The following GAREM1 variants were observed in gnomAD, a reference collection of about 807,000 sequenced individuals.
GAREM1 encodes GRB2 associated regulator of MAPK1 subtype 1.
In GAREM1, 26 loss-of-function variants were observed where a neutral mutation model predicts 71.3. The observed-to-expected ratio is 0.36, with a 90% CI of 0.27 to 0.51. The LOEUF (loss-of-function observed/expected upper bound fraction) is 0.51, where lower values mean the gene tolerates loss of function less well. Ranked by LOEUF, GAREM1 falls within the 20% of genes least tolerant of loss-of-function variation. The pLI is 0.95. For synonymous variants in GAREM1, 440 were observed against 433.2 expected (o/e 1.02, Z -0.20); for missense variants, 1,026 against 1,103.1 (o/e 0.93, Z 0.99).
At chr18:32,339,087 T>A (rs1383446953) in intron 2 of GAREM1, among the ~76,000 whole-genome samples, 2 of 152,152 alleles carry the variant, frequency 1.3e-5, no homozygotes, top group Non-Finnish European at 2.9e-5. Context: ...GTGAACCAAT[T>A]CCTTAAAGTA....
intron 2 of GAREM1, among the ~76,000 whole-genome samples, chr18:32,357,425 T>C (rs568643146): frequency 3.3e-5 from 5 of 152,348 alleles, no homozygotes; most frequent in Non-Finnish European, 5.9e-5. Context: ...TTTATCTCAA[T>C]GTGCAAGTGC....
At chr18:32,386,369 C>T (rs2048147267) in intron 2 of GAREM1, among the ~76,000 whole-genome samples, 1 of 152,216 alleles carries the variant, frequency 6.6e-6, no homozygotes, top group African/African-American at 2.4e-5. Context: ...AAAACAGGCA[C>T]TGCTGATATA....
chr18:32,465,301 C>T (rs1453811482), intron 1 of GAREM1, among the ~76,000 whole-genome samples: 1 of 152,150 alleles, frequency 6.6e-6, no homozygotes, highest in African/African-American at 2.4e-5. Context: ...TGAGAACTTA[C>T]TTCAATTTCA....
chr18:32,420,288 G>A (rs148450850), intron 1 of GAREM1, among the ~76,000 whole-genome samples: 4 of 151,974 alleles, frequency 2.6e-5, no homozygotes, highest in Admixed American at 6.6e-5. Flanking sequence ...AGACAGGAAG[G>A]GGAAAGAAGA....
chr18:32,466,130 TATG>T (rs2048996549), intron 1 of GAREM1, among the ~76,000 whole-genome samples: 1 of 152,132 alleles, frequency 6.6e-6, no homozygotes, highest in African/African-American at 2.4e-5. Context: ...TTGAAAGTCT[TATG>T]ATCAAAATAA....
intron 2 of GAREM1, among the ~76,000 whole-genome samples, chr18:32,355,945 G>A (rs890340802): frequency 2.0e-5 from 3 of 152,186 alleles, no homozygotes; most frequent in Admixed American, 6.5e-5. Flanking sequence ...TGGTTGCTAT[G>A]AGCAACATTT....
intron 2 of GAREM1, among the ~76,000 whole-genome samples, chr18:32,330,192 C>A (rs2047518134): frequency 6.6e-6 from 1 of 152,280 alleles, no homozygotes; most frequent in Non-Finnish European, 1.5e-5. Context: ...GAGAACAAAT[C>A]ATGTCTTTTG....
At chr18:32,425,288 T>C (rs1327467858) in intron 1 of GAREM1, among the ~76,000 whole-genome samples, 1 of 152,184 alleles carries the variant, frequency 6.6e-6, no homozygotes, top group Non-Finnish European at 1.5e-5. Flanking sequence ...GGCACAAAAT[T>C]TTATTTGGAG....
At chr18:32,391,286 C>T (rs1314877564) in intron 2 of GAREM1, among the ~76,000 whole-genome samples, 3 of 152,044 alleles carry the variant, frequency 2.0e-5, no homozygotes, top group East Asian at 1.9e-4. Context: ...GTTCACTCTT[C>T]GGAATAGAAA....
In GAREM1 at chr18:32,267,204, T is replaced by A. The variant is rs1033893213; in HGVS notation, c.*667A>T. 1 of 152,250 alleles carries A rather than the reference T, an allele frequency of 6.6e-6. No individual in the cohort carries two copies. The highest frequency in any genetic ancestry group is 1.5e-5 in the Non-Finnish European group (1 of 68,040). The allele number at this position is 152,250 out of a possible 1,614,324, so 9.4% of individuals were successfully genotyped here. On this transcript the variant is annotated 3_prime_UTR_variant, in exon 6 of 6. Transcript: ENST00000269209. ...CCTATACATGTTTATATATGTATAT[T>A]CTTTTTTCTCTGCTCAATAAAATTA...
In GAREM1 at chr18:32,470,158, C is replaced by T; in HGVS notation, c.121+150G>A. On this transcript the variant is annotated intron_variant, in intron 1 of 5. Coordinates refer to ENST00000269209, the MANE Select transcript of GAREM1 (RefSeq NM_001242409.2). This position sits in a 1 kb window ranked among gnomAD's most constrained non-coding sequence, Gnocchi z 4.4. ...CTGGGGGGAGTTGAGAGCAACGCGC[C>T]AGGGCTGCGGCAGCCGCTCGGGCCA... is the stretch of plus-strand genomic sequence containing the variant. The T allele has an allele frequency of 3.1e-6, 3 of 978,394 alleles. No individual in the cohort carries two copies. Among genetic ancestry groups the T allele is most frequent in the Non-Finnish European group, 4.0e-6 (3 of 742,574 alleles). 60.6% of individuals were successfully genotyped at this position (978,394 alleles called of 1,614,324 possible).
intron 1 of GAREM1, among the ~76,000 whole-genome samples, chr18:32,438,753 C>G (rs2048706613): frequency 6.6e-6 from 1 of 152,136 alleles, no homozygotes; most frequent in Non-Finnish European, 1.5e-5. Flanking sequence ...AATAACATTA[C>G]CTTCCGAGAT....
intron 2 of GAREM1, among the ~76,000 whole-genome samples, chr18:32,335,401 T>C (rs904442438): frequency 1.3e-5 from 2 of 152,212 alleles, no homozygotes; most frequent in Admixed American, 6.5e-5. Context: ...GGAATTACTC[T>C]CGTTAAAGGA....
chr18:32,325,565 G>A (rs2047466779), intron 2 of GAREM1, among the ~76,000 whole-genome samples: 1 of 152,192 alleles, frequency 6.6e-6, no homozygotes. Flanking sequence ...CAGAAAAAAG[G>A]AAGGCAACTC....
intron 1 of GAREM1, among the ~76,000 whole-genome samples, chr18:32,465,866 C>A (rs1201065786): frequency 6.6e-6 from 1 of 152,182 alleles, no homozygotes; most frequent in Non-Finnish European, 1.5e-5. Context: ...AGGAACCTGT[C>A]GTTCACCATC....
intron 2 of GAREM1, among the ~76,000 whole-genome samples, chr18:32,337,382 A>G (rs2047606705): frequency 6.6e-6 from 1 of 152,218 alleles, no homozygotes; most frequent in Non-Finnish European, 1.5e-5. Context: ...AAAAGTTACA[A>G]TATGTACGTA....
At position 32,401,207 on chromosome 18, in the gene GAREM1, A is replaced by G. The variant is rs1358462314; in HGVS notation, c.122-8172T>C. Reference sequence around the variant, plus strand: ...GGGGGGAGAGGGGAGGGATAGCATTAGGAGATACACCTAATGTAAATGACG... The same window carrying G: ...GGGGGGAGAGGGGAGGGATAGCATTGGGAGATACACCTAATGTAAATGACG... On this transcript the variant is annotated intron_variant, in intron 1 of 5. Transcript: ENST00000269209. Among the ~76,000 whole-genome samples, 3 of 152,162 alleles carry G rather than the reference A, an allele frequency of 2.0e-5. No individual in the cohort carries two copies. In the East Asian group the frequency reaches 5.8e-4, roughly 29 times the overall value.
At chr18:32,449,305 G>A (rs1211628975) in intron 1 of GAREM1, among the ~76,000 whole-genome samples, 1 of 152,176 alleles carries the variant, frequency 6.6e-6, no homozygotes, top group East Asian at 1.9e-4. Flanking sequence ...ACTTTTAACA[G>A]TTTTATGTGC....
At chr18:32,272,360 C>A (rs2041474773) in intron 4 of GAREM1, among the ~76,000 whole-genome samples, 1 of 152,184 alleles carries the variant, frequency 6.6e-6, no homozygotes, top group African/African-American at 2.4e-5. Context: ...CTGCTCCTAC[C>A]TGCAGGACCC....
Sources: allele counts gnomAD v4.1 joint callset (sites outside exome capture counted in the v4.1 genomes callset), GRCh38; gene constraint gnomAD v4.1.1; non-coding constraint Gnocchi (gnomAD v3.1); transcripts MANE v1.5; gene names NCBI Gene and HGNC (gene_info 2026-07-23, HGNC 2026-07-21).